The following PCDH7 variants were observed in gnomAD, a reference collection of about 807,000 sequenced individuals.
PCDH7 encodes the protein protocadherin-7.
Under a neutral mutation model 58.9 loss-of-function variants are expected in PCDH7, and 17 were observed. The observed-to-expected ratio is 0.29, with a 90% CI of 0.20 to 0.43. PCDH7 has a LOEUF of 0.43. Ranked by LOEUF, PCDH7 falls within the 20% of genes least tolerant of loss-of-function variation. The pLI, the probability that PCDH7 is intolerant of heterozygous loss-of-function variation, is 1.00. For missense variants in PCDH7, 1,274 were observed against 1,441.0 expected (o/e 0.88, Z 1.88); for synonymous variants, 664 against 616.4 (o/e 1.08, Z -1.14).
chr4:30,948,295 A>G (rs1746956883), intron 2 of PCDH7, among the ~76,000 whole-genome samples: 1 of 151,994 alleles, frequency 6.6e-6, no homozygotes, highest in African/African-American at 2.4e-5. Flanking sequence ...TATGCAAAAA[A>G]AAAAAAAAGC....
At chr4:30,786,324 G>A (rs1723387979) in intron 1 of PCDH7, among the ~76,000 whole-genome samples, 1 of 151,980 alleles carries the variant, frequency 6.6e-6, no homozygotes, top group African/African-American at 2.4e-5. Context: ...AGTTGTAAAA[G>A]CACTGACAAC....
chr4:31,061,748 A>G (rs991692568), intron 3 of PCDH7, among the ~76,000 whole-genome samples: 1 of 151,692 alleles, frequency 6.6e-6, no homozygotes, highest in African/African-American at 2.4e-5. Flanking sequence ...TGTAATATTC[A>G]AAGTATGGAG....
intron 3 of PCDH7, among the ~76,000 whole-genome samples, chr4:31,064,741 C>T (rs1202755029): frequency 6.6e-6 from 1 of 151,918 alleles, no homozygotes; most frequent in African/African-American, 2.4e-5. Flanking sequence ...ATGACCTCAT[C>T]TTAATTTAGC....
At chr4:30,960,130 G>A (rs1238763483) in intron 3 of PCDH7, among the ~76,000 whole-genome samples, 54 of 81,162 alleles carry the variant, frequency 6.7e-4, no homozygotes, top group Admixed American at 1.4e-3. Flanking sequence ...AGGAAGGAAG[G>A]AAGGAAGGAA....
intron 1 of PCDH7, among the ~76,000 whole-genome samples, chr4:30,746,329 A>G (rs1717774520): frequency 6.6e-6 from 1 of 152,168 alleles, no homozygotes; most frequent in Non-Finnish European, 1.5e-5. Context: ...GTAAACAAAA[A>G]TCCTAATTCA....
chr4:30,823,202 T>C (rs1212017596), intron 1 of PCDH7, among the ~76,000 whole-genome samples: 1 of 152,150 alleles, frequency 6.6e-6, no homozygotes, highest in Non-Finnish European at 1.5e-5. Flanking sequence ...CTGGTAAAAA[T>C]ATGGAGGCAT....
intron 3 of PCDH7, among the ~76,000 whole-genome samples, chr4:31,083,481 C>T (rs774586965): frequency 2.8e-4 from 43 of 152,156 alleles, no homozygotes; most frequent in Non-Finnish European, 6.0e-4. Context: ...AAAATCATGT[C>T]TTCCTTGAGA....
chr4:30,731,361 G>A (rs115087930), exon 2 of PCDH7: 1,982 of 149,902 alleles, frequency 0.013, 36 homozygotes, highest in African/African-American at 0.046. Context: ...GTGTGTGTGT[G>A]TATATATATA....
rs375495624 is a variant in PCDH7, at chr4:31,088,140, G to A, written c.*8-54333G>A. Reference sequence around the variant, plus strand: ...TATATTGTTTATTCAAAAAGCCATGGTACCTTTTGAATGTGTGTTTTTAGG... The same window carrying A: ...TATATTGTTTATTCAAAAAGCCATGATACCTTTTGAATGTGTGTTTTTAGG... On this transcript the variant is annotated intron_variant, in intron 3 of 3. Transcript: ENST00000509759. Among the ~76,000 whole-genome samples the A allele has an allele frequency of 7.9e-5, 12 of 152,050 alleles. No individual in the cohort carries two copies. The East Asian group carries it at 1.9e-3, about 24-fold the overall frequency.
rs377298588 is a variant in PCDH7 at position 30,813,380 on chromosome 4, T to C, written c.70+88784T>C. On this transcript the variant is annotated intron_variant, in intron 1 of 3. Transcript: ENST00000509759. Reference sequence around the variant, plus strand: ...TGCAAGACTTTTATCAATCTCCGGATCCTCCAAAATAAATGTTATTTATTC... The same window carrying C: ...TGCAAGACTTTTATCAATCTCCGGACCCTCCAAAATAAATGTTATTTATTC... 1.3e-4 allele frequency among the ~76,000 whole-genome samples: 20 copies of C among 152,202 alleles called. No individual in the cohort carries two copies. In the South Asian group the frequency reaches 3.9e-3, roughly 30 times the overall value.
At chr4:31,012,047 C>T (rs1693267417) in intron 3 of PCDH7, among the ~76,000 whole-genome samples, 1 of 151,924 alleles carries the variant, frequency 6.6e-6, no homozygotes, top group Non-Finnish European at 1.5e-5. Flanking sequence ...TTAGTCAGCA[C>T]CAAATCTTCT....
intron 1 of PCDH7, among the ~76,000 whole-genome samples, chr4:30,896,485 T>A (rs1209275369): frequency 6.6e-6 from 1 of 152,114 alleles, no homozygotes; most frequent in Non-Finnish European, 1.5e-5. Flanking sequence ...ATAAAGTATC[T>A]TATACTTTGA....
intron 3 of PCDH7, among the ~76,000 whole-genome samples, chr4:30,961,995 C>A (rs1156465689): frequency 6.6e-6 from 1 of 152,208 alleles, no homozygotes; most frequent in Non-Finnish European, 1.5e-5. Context: ...ATATTTTTTT[C>A]ATTGTTGGTA....
chr4:30,951,537 G>A (rs1251645555), intron 3 of PCDH7, among the ~76,000 whole-genome samples: 2 of 152,062 alleles, frequency 1.3e-5, no homozygotes, highest in African/African-American at 2.4e-5. Flanking sequence ...ATGTCCACAG[G>A]TCTTCGCACG....
At chr4:31,085,077 A>G (rs1021743403) in intron 3 of PCDH7, among the ~76,000 whole-genome samples, 3 of 152,050 alleles carry the variant, frequency 2.0e-5, no homozygotes, top group African/African-American at 7.2e-5. Context: ...TTTTATTATT[A>G]CTCAAATCAG....
At chr4:31,089,107 G>C (rs1309875625) in intron 3 of PCDH7, among the ~76,000 whole-genome samples, 2 of 152,002 alleles carry the variant, frequency 1.3e-5, no homozygotes, top group African/African-American at 4.8e-5. Context: ...AGATAAGTGA[G>C]TTTCTGGCCA....
rs912842472 is a variant in PCDH7 at position 31,079,210 on chromosome 4, G to A, written c.*8-63263G>A. ...CAAAGAATATATATTTATTAAATTT[G>A]ACCTCGTTAACATTAGAAATATCAA... On this transcript the variant is annotated intron_variant, in intron 3 of 3. Coordinates refer to the PCDH7 transcript ENST00000509759. Among the ~76,000 whole-genome samples the A allele has an allele frequency of 5.4e-5, 8 of 148,120 alleles. No homozygotes were observed. The South Asian group carries it at 1.3e-3, about 24-fold the overall frequency.
chr4:30,960,159 G>GAGGGAGGGAGGA (rs1748276776), intron 3 of PCDH7, among the ~76,000 whole-genome samples: 1 of 70,764 alleles, frequency 1.4e-5, no homozygotes, highest in Non-Finnish European at 2.5e-5. Context: ...GGAAGGGAGG[G>GAGGGAGGGAGGA]AGGGAGGGAG....
exon 4 of PCDH7, chr4:31,142,679 C>T (rs775757877): frequency 4.4e-6 from 6 of 1,367,690 alleles, no homozygotes; most frequent in South Asian, 2.3e-5. Context: ...CATGGGTGAC[C>T]GCAACAGAAA....
Sources: allele counts gnomAD v4.1 joint callset (sites outside exome capture counted in the v4.1 genomes callset), GRCh38; gene constraint gnomAD v4.1.1; transcripts MANE v1.5; gene names NCBI Gene and HGNC (gene_info 2026-07-23, HGNC 2026-07-21).